The following PHF20 variants were observed in gnomAD, a reference collection of about 807,000 sequenced individuals.
PHF20 encodes the protein PHD finger protein 20, also known as glioma-expressed antigen 2.
In PHF20, 23 loss-of-function variants were observed where a neutral mutation model predicts 113.5. The ratio of observed to expected loss-of-function variants is 0.20; its 90% CI spans 0.15 to 0.29. The LOEUF is 0.29. PHF20 is among the 10% of genes least tolerant of loss of function. The pLI, the probability that PHF20 is intolerant of heterozygous loss-of-function variation, is 1.00. For missense variants in PHF20, 943 were observed against 1,219.6 expected, an observed-to-expected ratio of 0.77 and a Z score of 3.38; for synonymous variants, 434 against 457.3, an observed-to-expected ratio of 0.95 and a Z score of 0.65.
chr20:35,850,296 GTTTTTTTTT>G (rs554100863), intron 4 of PHF20, among the ~76,000 whole-genome samples: 73 of 62,350 alleles, frequency 1.2e-3, no homozygotes, highest in African/African-American at 3.5e-3. Flanking sequence ...TTCCCCCTCC[GTTTTTTTTT>G]TTTTTTTTTT....
chr20:35,787,330 C>T (rs760595681), intron 1 of PHF20, among the ~76,000 whole-genome samples: 13 of 151,836 alleles, frequency 8.6e-5, no homozygotes, highest in Non-Finnish European at 1.8e-4. Flanking sequence ...CAGGGATGCA[C>T]CACCATGCCC....
At chr20:35,905,333 T>C (rs76009645) in intron 10 of PHF20, among the ~76,000 whole-genome samples, 8,858 of 152,188 alleles carry the variant, frequency 0.058, 413 homozygotes, top group African/African-American at 0.13. Flanking sequence ...AGTTAGGCCT[T>C]GCTGTGAATT....
intron 13 of PHF20, among the ~76,000 whole-genome samples, chr20:35,926,383 G>A (rs1262688164): frequency 2.0e-5 from 3 of 151,104 alleles, no homozygotes; most frequent in East Asian, 2.0e-4. Flanking sequence ...GACTACAGGC[G>A]CCCGCCACCA....
chr20:35,806,851 A>G (rs569493083), intron 2 of PHF20, among the ~76,000 whole-genome samples: 280 of 136,728 alleles, frequency 2.0e-3, no homozygotes, highest in South Asian at 2.8e-3. Flanking sequence ...GCTGGAGTGC[A>G]GTGGCACGAT....
chr20:35,781,147 CTTT>C (rs1050661297), intron 1 of PHF20, among the ~76,000 whole-genome samples: 1 of 138,844 alleles, frequency 7.2e-6, no homozygotes. Flanking sequence ...AGATTTTATT[CTTT>C]TTTTTTTTTC....
At chr20:35,901,463 A>G (rs1205180398) in intron 10 of PHF20, among the ~76,000 whole-genome samples, 1 of 152,052 alleles carries the variant, frequency 6.6e-6, no homozygotes, top group Non-Finnish European at 1.5e-5. Flanking sequence ...TGGAAATGGT[A>G]AAAATGCAGT....
chr20:35,839,263 C>T (rs1436933538), intron 2 of PHF20, among the ~76,000 whole-genome samples: 1 of 150,188 alleles, frequency 6.7e-6, no homozygotes, highest in African/African-American at 2.5e-5. Flanking sequence ...TGGTGGCGGG[C>T]GCCTGTAGTC....
At position 35,917,503 on chromosome 20, in the gene PHF20, G is replaced by T. The variant is rs754693618; in HGVS notation, c.1845G>T (p.Glu615Asp). 2 of 1,613,844 alleles carry T rather than the reference G, an allele frequency of 1.2e-6. No homozygotes were observed. The highest frequency in any genetic ancestry group is 2.2e-5 in the South Asian group (2 of 91,030). ...VKALEEDNLS[E>D]SSSESFLWSD... ...TCGTAGAGGAGGATAATTTGAGTGA[G>T]TCCTCTTCTGAGAGCTTTCTCTGGA... The change falls in exon 13 of 18, where the codon GAG (glutamate) becomes GAT (aspartate). Residue 615 changes from glutamate (E) to aspartate (D), a missense_variant. Physicochemically the swap from Glu to Asp is conservative, Grantham distance 45. Around this residue, in one of 3 missense-constraint regions of PHF20, gnomAD observed 592 missense variants for 787.2 expected, o/e 0.75. Transcript: ENST00000374012.
chr20:35,924,610 T>C (rs558271340), intron 13 of PHF20, among the ~76,000 whole-genome samples: 53 of 152,200 alleles, frequency 3.5e-4, no homozygotes, highest in African/African-American at 1.3e-3. Context: ...ATTTTATTTT[T>C]TTGACGGAGA....
intron 2 of PHF20, among the ~76,000 whole-genome samples, chr20:35,805,697 C>G (rs2041867287): frequency 6.6e-6 from 1 of 151,940 alleles, no homozygotes; most frequent in East Asian, 1.9e-4. Context: ...CAAGGCTGAT[C>G]TCGAATTCCT....
intron 4 of PHF20, chr20:35,855,337 T>C (rs760036308): frequency 5.6e-6 from 5 of 896,866 alleles, no homozygotes; most frequent in Non-Finnish European, 8.0e-6. Flanking sequence ...TAGATAATTG[T>C]TTATGCTCTT....
intron 12 of PHF20, among the ~76,000 whole-genome samples, chr20:35,916,077 C>T (rs1329386609): frequency 1.3e-5 from 2 of 152,072 alleles, no homozygotes; most frequent in Admixed American, 6.5e-5. Context: ...GTCAAGGCTG[C>T]AGTGAGCTGT....
intron 16 of PHF20, 79 bp downstream of exon 16, chr20:35,939,187 G>C (rs2055929967): frequency 7.3e-7 from 1 of 1,375,288 alleles, no homozygotes; most frequent in African/African-American, 1.5e-5. Flanking sequence ...AATGCTCTAT[G>C]GAAGATATTT....
chr20:35,917,572 A>C lies in PHF20; in HGVS notation c.1914A>C (p.Pro638=). The C allele has an allele frequency of 1.9e-6, 3 of 1,614,078 alleles. No homozygotes were observed. The highest frequency in any genetic ancestry group is 1.3e-5 in the African/African-American group (1 of 75,024). Reference sequence around the variant, plus strand: ...AAGATGTGGATGTGACCACCAACCCAGATGAGGAACTTGATGGGGATGACC... The same window carrying C: ...AAGATGTGGATGTGACCACCAACCCCGATGAGGAACTTGATGGGGATGACC... ...YGQDVDVTTN[P]DEELDGDDRY... Residue 638 remains proline, a synonymous_variant, in exon 13 of 18, where the codon CCA becomes CCC. Coordinates refer to ENST00000374012, the MANE Select transcript of PHF20 (RefSeq NM_016436.5).
At chr20:35,801,466 A>G in intron 1 of PHF20, 25 bp from the exon 2 acceptor site, 3 of 1,293,232 alleles carry the variant, frequency 2.3e-6, no homozygotes, top group Admixed American at 1.8e-5. Flanking sequence ...CCTAAGTTTC[A>G]TAAATATTTA....
intron 2 of PHF20, among the ~76,000 whole-genome samples, chr20:35,802,605 A>G (rs6060612): frequency 0.94 from 143,351 of 152,220 alleles, 67,607 homozygotes; most frequent in East Asian, 1. Flanking sequence ...AGAGAGGCAT[A>G]GAAGCAGCTG....
At chr20:35,787,940 G>A (rs896746219) in intron 1 of PHF20, among the ~76,000 whole-genome samples, 1 of 151,544 alleles carries the variant, frequency 6.6e-6, no homozygotes, top group African/African-American at 2.4e-5. Context: ...ACCACACCCG[G>A]CTAATTTCTG....
Position 35,793,591 on chromosome 20 carries a change from T to C in PHF20, c.-32-7900T>C, listed in dbSNP as rs961452089. On this transcript the variant is annotated intron_variant, in intron 1 of 17. Transcript: ENST00000374012. ...CTGGGATTACAGGCGTGAGCCATTG[T>C]GCCTGTCTTGAGAGTCCTTTCTAAC... 2.0e-5 allele frequency among the ~76,000 whole-genome samples: 3 copies of C among 151,450 alleles called. No individual in the cohort carries two copies. The Admixed American group carries it at 2.0e-4, about 10-fold the overall frequency.
chr20:35,947,649 G>C lies in PHF20; in HGVS notation c.*22G>C, dbSNP rs1463155488. ...ATGAAACTGGGCACCCAAAACTCAT[G>C]GGGGCACAATCCTGGGGCACCTGCA... On this transcript the variant is annotated 3_prime_UTR_variant, in exon 18 of 18. Coordinates refer to ENST00000374012, the MANE Select transcript of PHF20 (RefSeq NM_016436.5). 1.9e-6 allele frequency: 3 copies of C among 1,608,974 alleles called. No individual in the cohort carries two copies. In the Admixed American group the frequency reaches 5.0e-5, roughly 27 times the overall value.
Sources: gnomAD v4.1 joint callset for allele counts (sites outside exome capture counted in the v4.1 genomes callset) on GRCh38, gnomAD v4.1.1 for gene constraint, gnomAD v4.1.1 regional missense constraint, MANE v1.5 for transcripts, NCBI Gene and HGNC (gene_info 2026-07-23, HGNC 2026-07-21) for gene names.